SFMBT1: variants seen among roughly 807,000 people sequenced by gnomAD.
SFMBT1 encodes Scm like with four mbt domains 1.
Under a neutral mutation model 108.7 loss-of-function variants are expected in SFMBT1, and 32 were observed. That is an observed-to-expected ratio of 0.29 (90% CI 0.22 to 0.40). The LOEUF is 0.40. Among genes scored for constraint, SFMBT1 ranks in the 10% least tolerant of loss-of-function variants. SFMBT1 has a pLI of 1.00. For synonymous variants in SFMBT1, 348 were observed against 369.5 expected (o/e 0.94, Z 0.67); for missense variants, 816 against 1,059.6 (o/e 0.77, Z 3.19).
chr3:52,941,562 C>A lies in SFMBT1; in HGVS notation c.364+1791G>T, dbSNP rs144206256. 1.6e-3 allele frequency among the ~76,000 whole-genome samples: 216 copies of A among 134,288 alleles called. 1 individual carries two copies. Among genetic ancestry groups the A allele is most frequent in the African/African-American group, 5.8e-3 (206 of 35,296 alleles). 88.1% of individuals were successfully genotyped at this position (134,288 alleles called of 152,430 possible). A position where few individuals can be genotyped will look rare whatever the true frequency, so the allele number is the denominator to read the frequency against. ...TGAGCTGAGATTGCGCCATTGCACTCCAGCCTGGGCAACAGAGTGAGACTC... is the reference window on the plus strand; with the variant it reads ...TGAGCTGAGATTGCGCCATTGCACTACAGCCTGGGCAACAGAGTGAGACTC... On this transcript the variant is annotated intron_variant, in intron 4 of 20. Transcript: ENST00000394752.
chr3:53,008,077 A>C (rs2106923681), intron 1 of SFMBT1, among the ~76,000 whole-genome samples: 1 of 151,966 alleles, frequency 6.6e-6, no homozygotes, highest in East Asian at 1.9e-4. Flanking sequence ...CGCAAAAAAA[A>C]AAAAAGGCGG....
At position 52,990,169 on chromosome 3, in the gene SFMBT1, T is replaced by C. The variant is rs892975029; in HGVS notation, c.-130-20911A>G. On this transcript the variant is annotated intron_variant, in intron 1 of 20. Coordinates refer to ENST00000394752, the MANE Select transcript of SFMBT1 (RefSeq NM_016329.4). The stretch of plus-strand genomic sequence containing the variant: ...CACTCACTCAGGAAAAACATCATCA[T>C]AAAGGTAAAAATAACTCAAAGCATA... Among the ~76,000 whole-genome samples, 32 of 152,310 alleles carry C rather than the reference T, an allele frequency of 2.1e-4. 2 individuals carry two copies. Among genetic ancestry groups the C allele is most frequent in the South Asian group, 6.2e-4 (3 of 4,826 alleles).
chr3:52,913,249 T>C (rs528363658), intron 15 of SFMBT1, among the ~76,000 whole-genome samples: 2 of 152,354 alleles, frequency 1.3e-5, no homozygotes, highest in South Asian at 4.1e-4. Context: ...AGAAGACCTT[T>C]CTACCCTGAC....
intron 4 of SFMBT1, 138 bp downstream of exon 4, chr3:52,943,215 T>C (rs1341664419): frequency 9.0e-6 from 9 of 1,002,352 alleles, no homozygotes; most frequent in Non-Finnish European, 1.3e-5. Context: ...TCCTTATAAA[T>C]ATTTTCACTC....
intron 1 of SFMBT1, among the ~76,000 whole-genome samples, chr3:53,006,285 G>C (rs1698737164): frequency 6.6e-6 from 1 of 152,152 alleles, no homozygotes; most frequent in South Asian, 2.1e-4. Context: ...AGGACGGAAT[G>C]GGGAGGAAGA....
intron 1 of SFMBT1, among the ~76,000 whole-genome samples, chr3:53,045,607 T>G (rs1179453730): frequency 1.5e-5 from 2 of 132,090 alleles, no homozygotes; most frequent in Admixed American, 1.5e-4. Context: ...GGCGCCGCGC[T>G]CCCCCCGCCC....
At chr3:53,021,197 C>T (rs1396348155) in intron 1 of SFMBT1, among the ~76,000 whole-genome samples, 1 of 152,142 alleles carries the variant, frequency 6.6e-6, no homozygotes, top group Non-Finnish European at 1.5e-5. Context: ...AACGAAAGAC[C>T]AAATTCAATT....
At chr3:52,973,974 A>G (rs1441645775) in intron 1 of SFMBT1, among the ~76,000 whole-genome samples, 1 of 152,234 alleles carries the variant, frequency 6.6e-6, no homozygotes, top group Non-Finnish European at 1.5e-5. Flanking sequence ...AGGCTAAGAT[A>G]AACATTGATT....
chr3:52,980,961 G>A (rs980107882), intron 1 of SFMBT1, among the ~76,000 whole-genome samples: 6 of 152,136 alleles, frequency 3.9e-5, no homozygotes, highest in Non-Finnish European at 8.8e-5. Flanking sequence ...TGGGGAGTTC[G>A]AGACCAGCTT....
chr3:52,963,542 T>C (rs1235640129), intron 2 of SFMBT1, among the ~76,000 whole-genome samples: 1 of 152,030 alleles, frequency 6.6e-6, no homozygotes, highest in Non-Finnish European at 1.5e-5. Context: ...TCAACCACCC[T>C]GGCTCAAGCA....
chr3:52,999,701 C>T (rs980489245), intron 1 of SFMBT1, among the ~76,000 whole-genome samples: 8 of 149,848 alleles, frequency 5.3e-5, no homozygotes, highest in Admixed American at 4.7e-4. Context: ...ACTCCCTGAG[C>T]AGGGTGAGCC....
intron 4 of SFMBT1, among the ~76,000 whole-genome samples, chr3:52,942,724 AG>A (rs1394352806): frequency 2.6e-5 from 4 of 152,244 alleles, no homozygotes; most frequent in African/African-American, 9.6e-5. Context: ...CATGTTGGCC[AG>A]GCTGGTCTCG....
At chr3:53,027,389 T>C (rs1180654647) in intron 1 of SFMBT1, among the ~76,000 whole-genome samples, 1 of 152,144 alleles carries the variant, frequency 6.6e-6, no homozygotes, top group East Asian at 1.9e-4. Context: ...GATTATAAGC[T>C]TCTCTAGGCC....
chr3:52,987,661 T>C (rs1704974429), intron 1 of SFMBT1, among the ~76,000 whole-genome samples: 2 of 152,176 alleles, frequency 1.3e-5, no homozygotes, highest in South Asian at 4.1e-4. Context: ...AGGTATGTCT[T>C]ATACCATAGA....
intron 1 of SFMBT1, among the ~76,000 whole-genome samples, chr3:53,025,836 C>T (rs1699470237): frequency 6.9e-6 from 1 of 144,864 alleles, no homozygotes; most frequent in South Asian, 2.2e-4. Context: ...ACTCATCTTG[C>T]TCCCAGCTGA....
intron 1 of SFMBT1, among the ~76,000 whole-genome samples, chr3:53,011,893 T>C (rs1051949640): frequency 6.6e-6 from 1 of 152,130 alleles, no homozygotes; most frequent in Non-Finnish European, 1.5e-5. Context: ...AGAAGAAAGG[T>C]TGGATTGTAG....
intron 2 of SFMBT1, among the ~76,000 whole-genome samples, chr3:52,958,443 T>A (rs942640399): frequency 1.3e-5 from 2 of 151,986 alleles, no homozygotes; most frequent in Non-Finnish European, 2.9e-5. Flanking sequence ...ATACAAAAAT[T>A]AGCCAGGCGT....
chr3:53,000,093 A>G (rs569251750), intron 1 of SFMBT1, among the ~76,000 whole-genome samples: 1 of 149,774 alleles, frequency 6.7e-6, no homozygotes, highest in Admixed American at 6.7e-5. Flanking sequence ...TGATTTCCTG[A>G]CCTCGTGATC....
intron 1 of SFMBT1, among the ~76,000 whole-genome samples, chr3:52,998,422 A>G (rs1384342154): frequency 6.7e-6 from 1 of 150,230 alleles, no homozygotes; most frequent in African/African-American, 2.4e-5. Context: ...AAAAATGTAG[A>G]TCAATAATAT....
Sources: gnomAD v4.1 joint callset for allele counts (sites outside exome capture counted in the v4.1 genomes callset) on GRCh38, gnomAD v4.1.1 for gene constraint, MANE v1.5 for transcripts, NCBI Gene and HGNC (gene_info 2026-07-23, HGNC 2026-07-21) for gene names.